PTPRT: variants seen among roughly 807,000 people sequenced by gnomAD.
PTPRT encodes the protein protein tyrosine phosphatase receptor type T.
A neutral mutation model predicts 176.8 loss-of-function variants in PTPRT; 56 were observed. The ratio of observed to expected loss-of-function variants is 0.32; its 90% confidence interval spans 0.26 to 0.40. The LOEUF is 0.40. PTPRT is among the 10% of genes least tolerant of loss of function. The probability of loss-of-function intolerance (pLI) is 1.00; values close to 1 mark genes in which losing one functional copy is unlikely to be tolerated. For synonymous variants in PTPRT, 783 were observed against 739.0 expected, an observed-to-expected ratio of 1.06 and a Z score of -0.96; for missense variants, 1,540 against 1,908.2, an observed-to-expected ratio of 0.81 and a Z score of 3.60.
rs1193732616 is a variant in PTPRT at position 43,162,803 on chromosome 20, G to A, written c.88+26843C>T. On this transcript the variant is annotated intron_variant, in intron 1 of 30. Transcript: ENST00000373187. ...GCAGCTTGGCTCAGGCTGCTCTTCT[G>A]TCTGCTCCCCATCTCACTACTCATA... Among the ~76,000 whole-genome samples the A allele has an allele frequency of 2.4e-5, 3 of 126,694 alleles. 1 individual carries two copies. The highest frequency in any genetic ancestry group is 5.6e-5 in the Non-Finnish European group (3 of 53,826). The allele number at this position is 126,694 out of a possible 152,430, so 83.1% of individuals were successfully genotyped here. A position where few individuals can be genotyped will look rare whatever the true frequency, so the allele number is the denominator to read the frequency against.
At chr20:42,494,545 G>A (rs1019773480) in intron 7 of PTPRT, among the ~76,000 whole-genome samples, 2 of 152,120 alleles carry the variant, frequency 1.3e-5, no homozygotes, top group Admixed American at 6.6e-5. Context: ...CATGAGCTCA[G>A]TAAAAACTCC....
At chr20:42,586,362 A>G (rs1301444603) in intron 7 of PTPRT, among the ~76,000 whole-genome samples, 2 of 152,184 alleles carry the variant, frequency 1.3e-5, no homozygotes, top group Non-Finnish European at 2.9e-5. Flanking sequence ...GTTTCTTGCA[A>G]AACCATTTTG....
intron 7 of PTPRT, among the ~76,000 whole-genome samples, chr20:42,598,548 T>C (rs34818330): frequency 0.11 from 16,777 of 152,246 alleles, 1,199 homozygotes; most frequent in Middle Eastern, 0.17. Flanking sequence ...AGAGGCTAGA[T>C]AGACGTTGGT....
At chr20:42,945,104 T>C (rs1479622091) in intron 1 of PTPRT, among the ~76,000 whole-genome samples, 1 of 148,648 alleles carries the variant, frequency 6.7e-6, no homozygotes, top group Non-Finnish European at 1.5e-5. Context: ...ATATAAAATA[T>C]GTGATATTTA....
At chr20:42,340,895 C>T (rs146419115) in intron 11 of PTPRT, among the ~76,000 whole-genome samples, 3 of 152,110 alleles carry the variant, frequency 2.0e-5, no homozygotes, top group East Asian at 3.9e-4. Flanking sequence ...GCAAGGTCAC[C>T]GAGTTCTTTC....
At chr20:43,022,941 G>T (rs922438535) in intron 1 of PTPRT, among the ~76,000 whole-genome samples, 1 of 152,180 alleles carries the variant, frequency 6.6e-6, no homozygotes, top group African/African-American at 2.4e-5. Flanking sequence ...ACTCCCAGAT[G>T]CCTGAGGACA....
chr20:43,002,274 A>G (rs976689657), intron 1 of PTPRT, among the ~76,000 whole-genome samples: 2 of 152,214 alleles, frequency 1.3e-5, no homozygotes, highest in Non-Finnish European at 2.9e-5. Flanking sequence ...ACTCATAGGT[A>G]GTATTTTTTA....
intron 1 of PTPRT, among the ~76,000 whole-genome samples, chr20:42,949,900 G>C (rs1981129068): frequency 6.6e-6 from 1 of 152,112 alleles, no homozygotes; most frequent in South Asian, 2.1e-4. Flanking sequence ...ACCATACCTT[G>C]TACTACTCCA....
At chr20:42,320,528 A>G (rs1373261799) in intron 11 of PTPRT, among the ~76,000 whole-genome samples, 2 of 152,142 alleles carry the variant, frequency 1.3e-5, no homozygotes, top group African/African-American at 2.4e-5. Flanking sequence ...AAAGATGCAT[A>G]TTTTAGTCCA....
chr20:42,334,726 T>G (rs1026843076), intron 11 of PTPRT, among the ~76,000 whole-genome samples: 7 of 152,248 alleles, frequency 4.6e-5, no homozygotes, highest in Admixed American at 4.6e-4. Flanking sequence ...GCATTAAACT[T>G]GAATTTTAGC....
intron 11 of PTPRT, among the ~76,000 whole-genome samples, chr20:42,333,714 T>G (rs2058000693): frequency 6.6e-6 from 1 of 152,198 alleles, no homozygotes; most frequent in Non-Finnish European, 1.5e-5. Flanking sequence ...AGTCTCGCTT[T>G]GTCACCCAGG....
At chr20:42,863,104 G>A (rs1213054897) in intron 2 of PTPRT, among the ~76,000 whole-genome samples, 2 of 152,206 alleles carry the variant, frequency 1.3e-5, no homozygotes, top group Non-Finnish European at 2.9e-5. Context: ...ACAGGTTGGT[G>A]AACAGCAGAG....
chr20:43,181,355 C>G lies in PTPRT; in HGVS notation c.88+8291G>C, dbSNP rs2146482252. On this transcript the variant is annotated intron_variant, in intron 1 of 30. Coordinates refer to ENST00000373187, the MANE Select transcript of PTPRT (RefSeq NM_007050.6). Reference sequence around the variant, plus strand: ...TGTTATTAACAGACAATTAATATAGCTCCTTTAGAACAGGAGTTGGGCCTA... The same window carrying G: ...TGTTATTAACAGACAATTAATATAGGTCCTTTAGAACAGGAGTTGGGCCTA... 1.3e-5 allele frequency among the ~76,000 whole-genome samples: 2 copies of G among 152,078 alleles called. 1 individual carries two copies. The highest frequency in any genetic ancestry group is 4.1e-4 in the South Asian group (2 of 4,826).
At chr20:42,092,609 G>T (rs1984741049) in intron 27 of PTPRT, among the ~76,000 whole-genome samples, 1 of 152,204 alleles carries the variant, frequency 6.6e-6, no homozygotes, top group Non-Finnish European at 1.5e-5. Context: ...CAGAAACAGA[G>T]ACACAGCCCC....
chr20:43,036,956 A>G (rs76594090), intron 1 of PTPRT, among the ~76,000 whole-genome samples: 8 of 152,246 alleles, frequency 5.3e-5, no homozygotes, highest in Non-Finnish European at 8.8e-5. Flanking sequence ...TTTCTAAGTG[A>G]TAGGATTGAT....
chr20:42,102,387 G>T lies in PTPRT; in HGVS notation c.3541-90C>A. ...GTAATGTTCCAACTCAGCCTAACTCGCCTATTTCCACCCTCTAAGCGCAGC... is the reference window on the plus strand; with the variant it reads ...GTAATGTTCCAACTCAGCCTAACTCTCCTATTTCCACCCTCTAAGCGCAGC... On this transcript the variant is annotated intron_variant, in intron 25 of 30. Transcript: ENST00000373187. 4 of 1,392,290 alleles carry T rather than the reference G, an allele frequency of 2.9e-6. No individual in the cohort carries two copies. The Admixed American group carries it at 5.9e-5, about 20-fold the overall frequency. The allele number at this position is 1,392,290 out of a possible 1,614,324, so 86.2% of individuals were successfully genotyped here. A position where few individuals can be genotyped will look rare whatever the true frequency, so the allele number is the denominator to read the frequency against.
At chr20:42,139,198 C>A (rs183656305) in intron 18 of PTPRT, among the ~76,000 whole-genome samples, 84 of 152,230 alleles carry the variant, frequency 5.5e-4, no homozygotes, top group African/African-American at 1.9e-3. Context: ...TCGGCACTGT[C>A]TTCTTTCAGC....
chr20:43,092,496 C>A (rs996582177), intron 1 of PTPRT, among the ~76,000 whole-genome samples: 5 of 152,186 alleles, frequency 3.3e-5, no homozygotes, highest in African/African-American at 7.2e-5. Context: ...TAAGGAGAGA[C>A]ACAAATACTA....
intron 5 of PTPRT, among the ~76,000 whole-genome samples, chr20:42,758,453 G>A (rs569166028): frequency 6.6e-6 from 1 of 152,254 alleles, no homozygotes; most frequent in East Asian, 1.9e-4. Context: ...GGGTATCCCA[G>A]GCCCCCATCA....
Sources: gnomAD v4.1 joint callset for allele counts (sites outside exome capture counted in the v4.1 genomes callset) on GRCh38, gnomAD v4.1.1 for gene constraint, MANE v1.5 for transcripts, NCBI Gene and HGNC (gene_info 2026-07-23, HGNC 2026-07-21) for gene names.